PPFIBP2: variants seen among roughly 807,000 people sequenced by gnomAD.
PPFIBP2 encodes the protein PPFIB scaffold protein 2, also known as liprin-beta-2.
PPFIBP2 carries 118 observed loss-of-function variants against 118.3 expected under a neutral mutation model. The observed-to-expected ratio is 1.00, with a 90% CI of 0.86 to 1.16. PPFIBP2 has a LOEUF of 1.16. PPFIBP2 is among the 50% of genes most tolerant of loss of function. PPFIBP2 has a pLI of 0.00. For synonymous variants in PPFIBP2, 414 were observed against 397.4 expected, an observed-to-expected ratio of 1.04 and a Z score of -0.50; for missense variants, 1,195 against 1,073.1, an observed-to-expected ratio of 1.11 and a Z score of -1.59.
chr11:7,519,671 A>G (rs1322023234), intron 1 of PPFIBP2, among the ~76,000 whole-genome samples: 1 of 152,136 alleles, frequency 6.6e-6, no homozygotes, highest in Non-Finnish European at 1.5e-5. Flanking sequence ...GAGAACAGGG[A>G]AAAAGGAGAC....
At chr11:7,556,262 T>C (rs1853614469) in intron 2 of PPFIBP2, among the ~76,000 whole-genome samples, 3 of 152,148 alleles carry the variant, frequency 2.0e-5, no homozygotes, top group Admixed American at 2.0e-4. Context: ...GAGACCATCC[T>C]GGCTAACACA....
intron 2 of PPFIBP2, among the ~76,000 whole-genome samples, chr11:7,550,419 C>T (rs1852840832): frequency 6.6e-6 from 1 of 152,296 alleles, no homozygotes; most frequent in East Asian, 1.9e-4. Flanking sequence ...TTTGCTTTTC[C>T]TTCCCATTGG....
intron 3 of PPFIBP2, among the ~76,000 whole-genome samples, chr11:7,588,309 TCTCC>T (rs1858588705): frequency 6.6e-6 from 1 of 152,168 alleles, no homozygotes; most frequent in South Asian, 2.1e-4. Flanking sequence ...CAGTCAGTCC[TCTCC>T]CTCCTGGCTA....
At chr11:7,590,378 C>T (rs577302465) in intron 3 of PPFIBP2, among the ~76,000 whole-genome samples, 17 of 152,082 alleles carry the variant, frequency 1.1e-4, no homozygotes, top group East Asian at 9.7e-4. Flanking sequence ...TGCTGGAGAA[C>T]GGTGATTTTG....
chr11:7,523,230 C>T (rs1247784768), intron 1 of PPFIBP2, among the ~76,000 whole-genome samples: 1 of 152,148 alleles, frequency 6.6e-6, no homozygotes, highest in Non-Finnish European at 1.5e-5. Context: ...CTTCCACACA[C>T]CTTTGCCCAG....
At chr11:7,631,052 T>C (rs370975745) in intron 11 of PPFIBP2, 24 bp downstream of exon 11, 7 of 1,587,008 alleles carry the variant, frequency 4.4e-6, no homozygotes, top group African/African-American at 2.7e-5. Flanking sequence ...ATCCATGACG[T>C]AGGGTTTCAG....
At chr11:7,665,834 T>G in the PPFIBP2 span, 4 of 1,534,824 alleles carry the variant, frequency 2.6e-6, no homozygotes, top group Non-Finnish European at 3.5e-6. Context: ...TACCGAGGTG[T>G]GTGAATCAGT....
At chr11:7,599,060 A>C (rs1860921784) in intron 5 of PPFIBP2, among the ~76,000 whole-genome samples, 1 of 149,876 alleles carries the variant, frequency 6.7e-6, no homozygotes, top group Non-Finnish European at 1.5e-5. Flanking sequence ...TCTCTTGTTC[A>C]TAATATTTCC....
chr11:7,653,331 C>T lies in PPFIBP2; in HGVS notation c.*113C>T, dbSNP rs1047809259. The T allele has an allele frequency of 1.5e-5, 23 of 1,515,648 alleles. No individual in the cohort carries two copies. The highest frequency in any genetic ancestry group is 4.1e-5 in the African/African-American group (3 of 72,772). 93.9% of individuals were successfully genotyped at this position (1,515,648 alleles called of 1,614,324 possible). A position where few individuals can be genotyped will look rare whatever the true frequency, so the allele number is the denominator to read the frequency against. ...TGTGCATGACTCGCAGAGAATATTC[C>T]AGCAATTGTGTACCCCTGGGCCAGT... is the stretch of plus-strand genomic sequence containing the variant. On this transcript the variant is annotated 3_prime_UTR_variant, in exon 24 of 24. Coordinates refer to ENST00000299492, the MANE Select transcript of PPFIBP2 (RefSeq NM_003621.5).
chr11:7,561,946 G>C (rs1045702784), intron 2 of PPFIBP2, among the ~76,000 whole-genome samples: 1 of 152,184 alleles, frequency 6.6e-6, no homozygotes, highest in East Asian at 1.9e-4. Flanking sequence ...CAGTTTTGTC[G>C]AAGACAGTTT....
chr11:7,559,355 G>T (rs1459845909), intron 2 of PPFIBP2, among the ~76,000 whole-genome samples: 1 of 152,072 alleles, frequency 6.6e-6, no homozygotes, highest in Non-Finnish European at 1.5e-5. Context: ...TCCCACTGTG[G>T]TTGTAATTTT....
At chr11:7,522,315 A>T (rs2134263815) in intron 1 of PPFIBP2, among the ~76,000 whole-genome samples, 1 of 152,354 alleles carries the variant, frequency 6.6e-6, no homozygotes, top group Middle Eastern at 3.4e-3. Flanking sequence ...GAGAAGAATG[A>T]GGCAACTGTT....
intron 23 of PPFIBP2, among the ~76,000 whole-genome samples, chr11:7,652,301 CAG>C (rs1434596852): frequency 2.0e-5 from 3 of 152,344 alleles, no homozygotes; most frequent in East Asian, 3.9e-4. Flanking sequence ...GGCCAGCACA[CAG>C]ATACCCAGAG....
At chr11:7,664,924 C>T in the PPFIBP2 span, among the ~76,000 whole-genome samples, 1 of 151,954 alleles carries the variant, frequency 6.6e-6, no homozygotes. Flanking sequence ...CTACCATGAC[C>T]CCTAGTGCCA....
In PPFIBP2 at chr11:7,624,876, C is replaced by G. The variant is rs76982511; in HGVS notation, c.712-901C>G. Among the ~76,000 whole-genome samples the G allele has an allele frequency of 4.8e-3, 737 of 152,316 alleles. 8 individuals carry two copies. The highest frequency in any genetic ancestry group is 0.016 in the African/African-American group (682 of 41,562). The stretch of plus-strand genomic sequence containing the variant: ...GCTGAGACTCAGAAAGGTTAACTTA[C>G]TTGCTCAAGGTCACCCAACTAGGAA... On this transcript the variant is annotated intron_variant, in intron 7 of 23. Coordinates refer to ENST00000299492, the MANE Select transcript of PPFIBP2 (RefSeq NM_003621.5).
intron 9 of PPFIBP2, among the ~76,000 whole-genome samples, chr11:7,628,666 A>G (rs1850346169): frequency 6.6e-6 from 1 of 152,330 alleles, no homozygotes; most frequent in Admixed American, 6.5e-5. Context: ...CTAGCACAAC[A>G]GCCCACCAGT....
chr11:7,515,940 T>G (rs1014416039), intron 1 of PPFIBP2, among the ~76,000 whole-genome samples: 8 of 152,232 alleles, frequency 5.3e-5, no homozygotes, highest in Non-Finnish European at 1.2e-4. Context: ...ATGCAAATTA[T>G]GATTCCATAG....
chr11:7,556,602 A>G (rs553807879), intron 2 of PPFIBP2, among the ~76,000 whole-genome samples: 4 of 151,796 alleles, frequency 2.6e-5, no homozygotes, highest in East Asian at 1.9e-4. Flanking sequence ...AGTTTTAACA[A>G]CCTCTCCAGT....
At chr11:7,540,651 T>C (rs1421414683) in intron 1 of PPFIBP2, among the ~76,000 whole-genome samples, 2 of 152,172 alleles carry the variant, frequency 1.3e-5, no homozygotes, top group African/African-American at 4.8e-5. Context: ...TATCAATAAA[T>C]CTGTAAACAC....
Sources: gnomAD v4.1 joint callset for allele counts (sites outside exome capture counted in the v4.1 genomes callset) on GRCh38, gnomAD v4.1.1 for gene constraint, MANE v1.5 for transcripts, NCBI Gene and HGNC (gene_info 2026-07-23, HGNC 2026-07-21) for gene names.